Variants in FAM163A observed in about 807,000 individuals in gnomAD.
FAM163A encodes family with sequence similarity 163 member A.
A neutral mutation model predicts 12.0 loss-of-function variants in FAM163A; 7 were observed. That is an observed-to-expected ratio of 0.58 (90% CI 0.33 to 1.10). The LOEUF is 1.10. FAM163A is among the 50% of genes least tolerant of loss of function. FAM163A has a pLI of 0.03. For synonymous variants in FAM163A, 101 were observed against 91.0 expected (o/e 1.11, Z -0.62); for missense variants, 202 against 218.6 (o/e 0.92, Z 0.48).
At chr1:179,794,209 T>A (rs1311463311) in intron 1 of FAM163A, among the ~76,000 whole-genome samples, 1 of 152,212 alleles carries the variant, frequency 6.6e-6, no homozygotes, top group Non-Finnish European at 1.5e-5. Flanking sequence ...TGCTGCACAG[T>A]TTAAGGAGTT....
At chr1:179,729,972 A>G in the FAM163A span, among the ~76,000 whole-genome samples, 1 of 152,224 alleles carries the variant, frequency 6.6e-6, no homozygotes, top group South Asian at 2.1e-4. Context: ...TGCTGCTGTC[A>G]AGCTCCATTA....
chr1:179,792,283 T>TTTTG (rs1446542447), intron 1 of FAM163A, among the ~76,000 whole-genome samples: 1 of 133,566 alleles, frequency 7.5e-6, no homozygotes, highest in African/African-American at 2.8e-5. Flanking sequence ...CCATATCTGA[T>TTTTG]TGTGTGTGTG....
At chr1:179,782,122 A>G (rs7528152) in intron 1 of FAM163A, among the ~76,000 whole-genome samples, 1 of 151,988 alleles carries the variant, frequency 6.6e-6, no homozygotes, top group South Asian at 2.1e-4. Context: ...CCTGGGGAAC[A>G]GGCGAAATGA....
intron 1 of FAM163A, among the ~76,000 whole-genome samples, chr1:179,797,633 G>C (rs1193397990): frequency 6.6e-6 from 1 of 152,048 alleles, no homozygotes; most frequent in Non-Finnish European, 1.5e-5. Flanking sequence ...TAACTAGCTT[G>C]ATTTAGCCAT....
At chr1:179,772,883 T>C (rs1688463474) in intron 1 of FAM163A, among the ~76,000 whole-genome samples, 1 of 151,368 alleles carries the variant, frequency 6.6e-6, no homozygotes, top group African/African-American at 2.4e-5. Context: ...AGCCATCATA[T>C]CCTAATACAG....
In FAM163A at chr1:179,814,213, C is replaced by G. The variant is rs1231388547; in HGVS notation, c.*24C>G. On this transcript the variant is annotated 3_prime_UTR_variant, in exon 5 of 5. Transcript: ENST00000341785. The stretch of plus-strand genomic sequence containing the variant: ...AAATCCTTCCACCCCGACCCGCACA[C>G]ACACCCACACTGCTGCCCTGGCGGG... 2 of 1,573,756 alleles carry G rather than the reference C, an allele frequency of 1.3e-6. No individual in the cohort carries two copies. The highest frequency in any genetic ancestry group is 2.7e-5 in the African/African-American group (2 of 74,012).
intron 1 of FAM163A, among the ~76,000 whole-genome samples, chr1:179,759,869 G>A (rs1413680721): frequency 3.9e-5 from 6 of 152,116 alleles, no homozygotes; most frequent in Admixed American, 1.3e-4. Flanking sequence ...GTTTCACCAC[G>A]TTGGCCAGGC....
At chr1:179,813,656 G>T in intron 4 of FAM163A, 123 bp from the exon 5 acceptor site, 2 of 1,110,278 alleles carry the variant, frequency 1.8e-6, no homozygotes, top group Non-Finnish European at 2.6e-6. Flanking sequence ...AGGCCCCTGG[G>T]GTTCAGTGCC....
At chr1:179,751,815 T>A (rs1685314142) in intron 1 of FAM163A, among the ~76,000 whole-genome samples, 1 of 152,126 alleles carries the variant, frequency 6.6e-6, no homozygotes, top group African/African-American at 2.4e-5. Context: ...AAAGAAGACA[T>A]AAACAAATGG....
Position 179,813,927 on chromosome 1 carries a change from G to A in FAM163A, c.242G>A (p.Ser81Asn), listed in dbSNP as rs1007429848. ...DGRGSLAPLT[S>N]EPCSQPCGVA... ...AGAGGCAGCCTGGCGCCTCTCACCA[G>A]CGAGCCCTGCAGCCAGCCCTGTGGG... The change falls in exon 5 of 5, where the codon AGC becomes AAC. Residue 81 changes from serine to asparagine, a missense_variant. Ser to Asn is a conservative substitution (Grantham distance 46). Transcript: ENST00000341785. 5 of 1,613,792 alleles carry A rather than the reference G, an allele frequency of 3.1e-6. No homozygotes were observed. Among genetic ancestry groups the A allele is most frequent in the Middle Eastern group, 1.6e-4 (1 of 6,062 alleles).
chr1:179,730,058 G>A, the FAM163A span, among the ~76,000 whole-genome samples: 2 of 152,174 alleles, frequency 1.3e-5, no homozygotes, highest in Admixed American at 6.5e-5. Context: ...GACAGCGTTT[G>A]AGATAGGTAA....
At chr1:179,754,641 C>T (rs139669264) in intron 1 of FAM163A, among the ~76,000 whole-genome samples, 254 of 152,218 alleles carry the variant, frequency 1.7e-3, no homozygotes, top group African/African-American at 6.1e-3. Context: ...GGCCAAGAGG[C>T]TTCAAGAGAT....
chr1:179,745,760 G>T (rs1212066534), intron 1 of FAM163A, among the ~76,000 whole-genome samples: 1 of 152,184 alleles, frequency 6.6e-6, no homozygotes, highest in African/African-American at 2.4e-5. Context: ...TGAGTTTGGG[G>T]GTAGGGTAAA....
At chr1:179,776,037 A>T (rs139180930) in intron 1 of FAM163A, among the ~76,000 whole-genome samples, 3 of 152,192 alleles carry the variant, frequency 2.0e-5, no homozygotes, top group Admixed American at 2.0e-4. Flanking sequence ...AGATTGTTAC[A>T]TATGAGGGTT....
intron 1 of FAM163A, chr1:179,803,895 C>T (rs1693550214): frequency 6.6e-6 from 1 of 150,748 alleles, no homozygotes; most frequent in South Asian, 2.1e-4. Flanking sequence ...ACTTTATTGG[C>T]TCCATCCCCA....
At chr1:179,798,843 C>A (rs1179466305) in intron 1 of FAM163A, among the ~76,000 whole-genome samples, 1 of 152,156 alleles carries the variant, frequency 6.6e-6, no homozygotes, top group Non-Finnish European at 1.5e-5. Context: ...TCATCTTGGA[C>A]CTGGTCTAAA....
chr1:179,815,109 GCACAGACACACA>G lies in FAM163A; in HGVS notation c.*925_*936del, dbSNP rs1361761820. 3 of 67,236 alleles carry G rather than the reference GCACAGACACACA, an allele frequency of 4.5e-5. No individual in the cohort carries two copies. The highest frequency in any genetic ancestry group is 1.9e-4 in the African/African-American group (3 of 15,782). The allele number at this position is 67,236 out of a possible 1,614,324, so 4.2% of individuals were successfully genotyped here. On this transcript the variant is annotated 3_prime_UTR_variant, in exon 5 of 5. Transcript: ENST00000341785. ...CAGGTGTACGCACGCGCGCGCGCGC[GCACAGACACACA>G]CACACACACACACACACACACACAC...
chr1:179,790,969 G>C (rs1439797477), intron 1 of FAM163A, among the ~76,000 whole-genome samples: 1 of 152,084 alleles, frequency 6.6e-6, no homozygotes, highest in African/African-American at 2.4e-5. Context: ...AAACAAACTA[G>C]AGCTCCCATC....
chr1:179,806,979 G>A (rs1437640896), intron 1 of FAM163A, among the ~76,000 whole-genome samples: 3 of 151,998 alleles, frequency 2.0e-5, no homozygotes, highest in Non-Finnish European at 4.4e-5. Flanking sequence ...GCATGTGCCT[G>A]TAGTACCAGC....
Sources: allele counts gnomAD v4.1 joint callset (sites outside exome capture counted in the v4.1 genomes callset), GRCh38; gene constraint gnomAD v4.1.1; transcripts MANE v1.5; gene names NCBI Gene and HGNC (gene_info 2026-07-23, HGNC 2026-07-21).